Variants in ZFHX3 observed in about 807,000 individuals in gnomAD.
ZFHX3 encodes the protein zinc finger homeobox protein 3.
Under a neutral mutation model 279.1 loss-of-function variants are expected in ZFHX3, and 42 were observed. The ratio of observed to expected loss-of-function variants is 0.15; its 90% CI spans 0.12 to 0.19. The LOEUF is 0.19. Ranked by LOEUF, ZFHX3 falls within the 10% of genes least tolerant of loss-of-function variation. The pLI is 1.00. For missense variants in ZFHX3, 4,981 were observed against 4,754.0 expected, an observed-to-expected ratio of 1.05 and a Z score of -1.40; for synonymous variants, 2,293 against 1,957.8, an observed-to-expected ratio of 1.17 and a Z score of -4.52.
At chr16:73,742,854 G>A (rs936588270) in intron 1 of ZFHX3, among the ~76,000 whole-genome samples, 6 of 152,148 alleles carry the variant, frequency 3.9e-5, no homozygotes, top group Non-Finnish European at 8.8e-5. Flanking sequence ...GATCTAATGT[G>A]ACCAACAGAA....
intron 2 of ZFHX3, among the ~76,000 whole-genome samples, chr16:73,474,350 T>C (rs1238099152): frequency 1.3e-5 from 2 of 152,110 alleles, no homozygotes; most frequent in Admixed American, 1.3e-4. Flanking sequence ...GGTTTCACCA[T>C]ATTGGCCAGG....
chr16:73,696,637 C>T (rs1201936337), intron 1 of ZFHX3, among the ~76,000 whole-genome samples: 1 of 152,190 alleles, frequency 6.6e-6, no homozygotes, highest in African/African-American at 2.4e-5. Context: ...CATTGCTTTC[C>T]CTTGTGTGGG....
At chr16:72,835,285 G>A (rs1325384980) in intron 4 of ZFHX3, among the ~76,000 whole-genome samples, 1 of 151,980 alleles carries the variant, frequency 6.6e-6, no homozygotes, top group Non-Finnish European at 1.5e-5. Context: ...AAAATGCGGC[G>A]GTGCAGCTCT....
At chr16:72,911,938 C>A (rs924383526) in intron 3 of ZFHX3, among the ~76,000 whole-genome samples, 4 of 152,198 alleles carry the variant, frequency 2.6e-5, no homozygotes, top group Non-Finnish European at 5.9e-5. Flanking sequence ...TAACTCCGGA[C>A]TCTCTCAGCT....
At chr16:73,247,766 T>C (rs996411027) in intron 5 of ZFHX3, among the ~76,000 whole-genome samples, 3 of 152,214 alleles carry the variant, frequency 2.0e-5, no homozygotes, top group Middle Eastern at 3.4e-3. Context: ...AGTGTGTATA[T>C]ACTGCATATA....
intron 3 of ZFHX3, among the ~76,000 whole-genome samples, chr16:72,920,907 A>G (rs545666182): frequency 2.0e-4 from 31 of 151,948 alleles, no homozygotes; most frequent in African/African-American, 6.3e-4. Flanking sequence ...CCCCATATCT[A>G]CAAAAAATAA....
chr16:73,499,168 C>T (rs886477803), intron 2 of ZFHX3: 2 of 152,166 alleles, frequency 1.3e-5, no homozygotes, highest in Non-Finnish European at 2.9e-5. Flanking sequence ...AACTGACAGG[C>T]ATCCTCTCAG....
At chr16:73,717,184 G>A (rs2053424453) in intron 1 of ZFHX3, among the ~76,000 whole-genome samples, 1 of 152,224 alleles carries the variant, frequency 6.6e-6, no homozygotes, top group Non-Finnish European at 1.5e-5. Context: ...CTCCCCAGGG[G>A]GCTAATGCAC....
At chr16:73,538,922 T>A (rs985652168) in intron 2 of ZFHX3, among the ~76,000 whole-genome samples, 13 of 152,136 alleles carry the variant, frequency 8.5e-5, no homozygotes, top group African/African-American at 3.1e-4. Flanking sequence ...CTAAAAGCAT[T>A]AGTCAAATCC....
At chr16:73,316,183 A>T (rs1206835038) in intron 4 of ZFHX3, among the ~76,000 whole-genome samples, 1 of 152,232 alleles carries the variant, frequency 6.6e-6, no homozygotes, top group East Asian at 1.9e-4. Context: ...CAGGAGAAAA[A>T]TCCCCATTGC....
intron 2 of ZFHX3, among the ~76,000 whole-genome samples, chr16:73,669,050 A>T (rs1242675225): frequency 7.4e-5 from 11 of 149,040 alleles, no homozygotes; most frequent in South Asian, 2.1e-4. Context: ...TCTATTTATT[A>T]TTTTTTTTCT....
intron 6 of ZFHX3, among the ~76,000 whole-genome samples, chr16:73,139,146 T>G (rs1395995094): frequency 6.6e-6 from 1 of 152,194 alleles, no homozygotes; most frequent in Admixed American, 6.5e-5. Context: ...CATTTCATTG[T>G]TTACAACATC....
chr16:73,673,449 G>C (rs1418577343), intron 2 of ZFHX3, among the ~76,000 whole-genome samples: 6 of 152,074 alleles, frequency 3.9e-5, no homozygotes, highest in African/African-American at 1.4e-4. Context: ...TATTTATCCT[G>C]CTGTTAAAGG....
chr16:73,508,066 C>G (rs914042678), intron 2 of ZFHX3, among the ~76,000 whole-genome samples: 38 of 152,258 alleles, frequency 2.5e-4, no homozygotes, highest in East Asian at 7.7e-4. Flanking sequence ...CTCATTGATC[C>G]TATTAGCAAA....
At chr16:72,892,520 T>G (rs530035523) in intron 3 of ZFHX3, among the ~76,000 whole-genome samples, 37 of 151,908 alleles carry the variant, frequency 2.4e-4, no homozygotes, top group African/African-American at 4.6e-4. Context: ...GTTTTTTTTT[T>G]TTTTTGAGAC....
At chr16:73,746,075 G>C (rs1212412813) in intron 1 of ZFHX3, among the ~76,000 whole-genome samples, 1 of 151,904 alleles carries the variant, frequency 6.6e-6, no homozygotes, top group African/African-American at 2.4e-5. Flanking sequence ...TTTAAGTACA[G>C]GTGGGAGAAA....
intron 1 of ZFHX3, among the ~76,000 whole-genome samples, chr16:73,016,924 GA>G (rs60459224): frequency 7.4e-5 from 11 of 147,948 alleles, no homozygotes; most frequent in Non-Finnish European, 1.3e-4. Flanking sequence ...ATGCACCTTT[GA>G]AAAAAAAAAG....
In ZFHX3 at chr16:73,709,464, C is replaced by A. The variant is rs538982094; in HGVS notation, c.-1607-29224G>T. On this transcript the variant is annotated intron_variant, in intron 1 of 17. Coordinates refer to the ZFHX3 transcript ENST00000641206. ...TATCCAGCCTTAAAAAAGAAGGAAACCCTCTCATTTGCAACAACGTGGATG... is the reference window on the plus strand; with the variant it reads ...TATCCAGCCTTAAAAAAGAAGGAAAACCTCTCATTTGCAACAACGTGGATG... Among the ~76,000 whole-genome samples the A allele has an allele frequency of 5.3e-5, 8 of 151,998 alleles. No homozygotes were observed. The East Asian group carries it at 1.5e-3, about 29-fold the overall frequency.
In ZFHX3 at chr16:72,851,228, G is replaced by T. The variant is rs1253051113; in HGVS notation, c.3449-21369C>A. 2.0e-5 allele frequency among the ~76,000 whole-genome samples: 3 copies of T among 152,242 alleles called. No homozygotes were observed. In the East Asian group the frequency reaches 5.8e-4, roughly 29 times the overall value. ...TACACTCTCAGGGTGGGGACCAACA[G>T]ATACCAGGAAGAAGAGGGACAAGAG... On this transcript the variant is annotated intron_variant, in intron 4 of 9. Coordinates refer to ENST00000268489, the MANE Select transcript of ZFHX3 (RefSeq NM_006885.4).
Sources: gnomAD v4.1 joint callset for allele counts (sites outside exome capture counted in the v4.1 genomes callset) on GRCh38, gnomAD v4.1.1 for gene constraint, MANE v1.5 for transcripts, NCBI Gene and HGNC (gene_info 2026-07-23, HGNC 2026-07-21) for gene names.